The following KIF1A variants were observed in gnomAD, a reference collection of about 807,000 sequenced individuals.
The protein encoded by KIF1A is kinesin family member 1A, also known as kinesin-like protein KIF1A.
Under a neutral mutation model 227.3 loss-of-function variants are expected in KIF1A, and 46 were observed. The observed-to-expected ratio is 0.20, with a 90% CI of 0.16 to 0.26. KIF1A has a LOEUF of 0.26. Ranked by LOEUF, KIF1A falls within the 10% of genes least tolerant of loss-of-function variation. The pLI is 1.00. For synonymous variants in KIF1A, 1,022 were observed against 1,012.8 expected (o/e 1.01, Z -0.17); for missense variants, 1,683 against 2,485.9 (o/e 0.68, Z 6.87).
intron 22 of KIF1A, 69 bp downstream of exon 22, chr2:240,762,950 G>T: frequency 5.1e-6 from 7 of 1,369,730 alleles, no homozygotes; most frequent in Non-Finnish European, 6.9e-6. Context: ...AGGAGTGGGG[G>T]CGTGGGAGGA....
intron 11 of KIF1A, 56 bp from the exon 12 acceptor site, chr2:240,774,317 T>A (rs1176421981): frequency 8.4e-7 from 1 of 1,189,002 alleles, no homozygotes; most frequent in Admixed American, 1.8e-5. Context: ...CAGGGCTATG[T>A]CTGCTCCCCC....
intron 42 of KIF1A, among the ~76,000 whole-genome samples, chr2:240,723,021 C>T (rs549158685): frequency 2.6e-5 from 4 of 152,322 alleles, no homozygotes; most frequent in Admixed American, 6.5e-5. Flanking sequence ...GCATCTCACA[C>T]GTCACGCGTC....
At chr2:240,817,801 CA>C (rs1239294226) in intron 1 of KIF1A, among the ~76,000 whole-genome samples, 3 of 152,210 alleles carry the variant, frequency 2.0e-5, no homozygotes, top group Non-Finnish European at 4.4e-5. Context: ...CCACCCTTCA[CA>C]AATCCCACAG....
chr2:240,797,533 G>A, intron 2 of KIF1A, 114 bp downstream of exon 2: 2 of 710,246 alleles, frequency 2.8e-6, no homozygotes, highest in Non-Finnish European at 5.0e-6. Context: ...ACATAGACAA[G>A]GAGGTGCTCT....
chr2:240,762,888 C>T, intron 22 of KIF1A, 76 bp from the exon 23 acceptor site: 1 of 1,425,096 alleles, frequency 7.0e-7, no homozygotes. Context: ...AGACAGTGGG[C>T]CTCACCACAT....
In KIF1A at chr2:240,788,025, GCCCCCGCCCGC is replaced by G; in HGVS notation, c.363+15_363+25del. On this transcript the variant is annotated intron_variant, in intron 4 of 48. Coordinates refer to ENST00000498729, the MANE Select transcript of KIF1A (RefSeq NM_001244008.2). This position sits in a 1 kb window ranked among gnomAD's most constrained non-coding sequence, Gnocchi z 6.6. ...TGGTCCCGCCCCATCTGCCAGGGCT[GCCCCCGCCCGC>G]CCCCCGCTTCGTGCCTGTGGGATGA... 1 of 1,466,748 alleles carries G rather than the reference GCCCCCGCCCGC, an allele frequency of 6.8e-7. No homozygotes were observed. The highest frequency in any genetic ancestry group is 9.3e-7 in the Non-Finnish European group (1 of 1,073,776). The allele number at this position is 1,466,748 out of a possible 1,614,324, so 90.9% of individuals were successfully genotyped here.
intron 29 of KIF1A, 40 bp from the exon 30 acceptor site, chr2:240,746,217 C>T (rs1205831293): frequency 6.5e-7 from 1 of 1,546,734 alleles, no homozygotes; most frequent in South Asian, 1.2e-5. Context: ...AGCCAGGAGC[C>T]AGCCGAGGAG....
In KIF1A at chr2:240,788,555, CAA is replaced by C. The variant is rs2055233215; in HGVS notation, c.184-327_184-326del. Among the ~76,000 whole-genome samples the C allele has an allele frequency of 6.6e-6, 1 of 152,226 alleles. No individual in the cohort carries two copies. Among genetic ancestry groups the C allele is most frequent in the African/African-American group, 2.4e-5 (1 of 41,530 alleles). ...ATGTGACCGTGACAAGCAGGGGTGA[CAA>C]GAGCTGAGACTGGGGACAGGGTGCA... is the stretch of plus-strand genomic sequence containing the variant. On this transcript the variant is annotated intron_variant, in intron 3 of 48. Transcript: ENST00000498729. The surrounding 1 kb of genome is among the most constrained non-coding windows in gnomAD (Gnocchi z 6.6).
intron 1 of KIF1A, among the ~76,000 whole-genome samples, chr2:240,809,054 T>C (rs934278721): frequency 6.6e-6 from 1 of 152,168 alleles, no homozygotes; most frequent in African/African-American, 2.4e-5. Flanking sequence ...ATAAAGAAAA[T>C]TGTAGAACTT....
At chr2:240,812,869 GCCTTCACTC>G (rs2058002475) in intron 1 of KIF1A, among the ~76,000 whole-genome samples, 1 of 112,566 alleles carries the variant, frequency 8.9e-6, no homozygotes, top group Non-Finnish European at 1.8e-5. Flanking sequence ...TCGGGGATCA[GCCTTCACTC>G]GGGGATCCGC....
intron 25 of KIF1A, among the ~76,000 whole-genome samples, 183 bp downstream of exon 25, chr2:240,760,482 T>C (rs1370280982): frequency 1.3e-5 from 2 of 152,258 alleles, no homozygotes; most frequent in Non-Finnish European, 2.9e-5. Flanking sequence ...AGAAAGAGAA[T>C]GAGGATTCTA....
intron 8 of KIF1A, 120 bp from the exon 9 acceptor site, chr2:240,783,229 A>G: frequency 1.2e-6 from 1 of 810,558 alleles, no homozygotes; most frequent in Middle Eastern, 3.1e-4. Flanking sequence ...GCAGCTGCTG[A>G]TCTCTGGGGC....
intron 38 of KIF1A, chr2:240,734,835 G>C: frequency 1.2e-5 from 11 of 902,274 alleles, no homozygotes; most frequent in Non-Finnish European, 1.6e-5. Context: ...GCGGCCTGTG[G>C]CCACAGGCCC....
At chr2:240,746,011 C>T in intron 30 of KIF1A, 28 bp downstream of exon 30, 1 of 1,606,110 alleles carries the variant, frequency 6.2e-7, no homozygotes, top group South Asian at 1.1e-5. Context: ...ATCCCCTACG[C>T]CCTGGGCAGC....
Position 240,725,049 on chromosome 2 carries a change from A to T in KIF1A, c.4256+222T>A, listed in dbSNP as rs1433479388. On this transcript the variant is annotated intron_variant, in intron 40 of 48. Transcript: ENST00000498729. This position sits in a 1 kb window ranked among gnomAD's most constrained non-coding sequence, Gnocchi z 5.8. Reference sequence around the variant, plus strand: ...CTGCAGGCTGGCCCTCAAGTCCCTCATAGTGGTGTCAGTGTCCCCTGCAGG... The same window carrying T: ...CTGCAGGCTGGCCCTCAAGTCCCTCTTAGTGGTGTCAGTGTCCCCTGCAGG... Among the ~76,000 whole-genome samples the T allele has an allele frequency of 1.3e-5, 2 of 148,298 alleles. No individual in the cohort carries two copies. Among genetic ancestry groups the T allele is most frequent in the East Asian group, 2.0e-4 (1 of 5,024 alleles).
intron 1 of KIF1A, among the ~76,000 whole-genome samples, chr2:240,798,370 T>C (rs1378275736): frequency 1.3e-5 from 2 of 152,222 alleles, no homozygotes; most frequent in African/African-American, 2.4e-5. Flanking sequence ...CCCTAAGCAA[T>C]GGGACAAAAG....
At position 240,790,442 on chromosome 2, in the gene KIF1A, C is replaced by A. The variant is rs1385882254; in HGVS notation, c.107-1130G>T. On this transcript the variant is annotated intron_variant, in intron 2 of 48. Coordinates refer to ENST00000498729, the MANE Select transcript of KIF1A (RefSeq NM_001244008.2). This position sits in a 1 kb window ranked among gnomAD's most constrained non-coding sequence, Gnocchi z 5.0. ...TTCCTCAGCCAGCGTGGGCTGGGGG[C>A]CAGCGGCACAGCCTCCAGTATGCCC... Among the ~76,000 whole-genome samples, 2 of 152,044 alleles carry A rather than the reference C, an allele frequency of 1.3e-5. No individual in the cohort carries two copies. Among genetic ancestry groups the A allele is most frequent in the Non-Finnish European group, 2.9e-5 (2 of 68,020 alleles).
chr2:240,759,533 T>TC (rs2050256463), intron 25 of KIF1A, among the ~76,000 whole-genome samples: 1 of 152,100 alleles, frequency 6.6e-6, no homozygotes, highest in Admixed American at 6.5e-5. Context: ...GCCTGGCCTT[T>TC]CCCACAACCC....
At chr2:240,721,200 G>A (rs541666159) in intron 44 of KIF1A, among the ~76,000 whole-genome samples, 162 bp from the exon 45 acceptor site, 33 of 152,160 alleles carry the variant, frequency 2.2e-4, no homozygotes, top group African/African-American at 5.3e-4. Flanking sequence ...CAAGACCCCC[G>A]GCCCCCTCCA....
Sources: allele counts gnomAD v4.1 joint callset (sites outside exome capture counted in the v4.1 genomes callset), GRCh38; gene constraint gnomAD v4.1.1; non-coding constraint Gnocchi (gnomAD v3.1); transcripts MANE v1.5; gene names NCBI Gene and HGNC (gene_info 2026-07-23, HGNC 2026-07-21).